The following CHLSN variants were observed in gnomAD, a reference collection of about 807,000 sequenced individuals.
CHLSN encodes cholesin, also known as protein cholesin.
At chr7:1,016,256 C>G in the CHLSN span, among the ~76,000 whole-genome samples, 4 of 52,898 alleles carry the variant, frequency 7.6e-5, no homozygotes, top group Admixed American at 2.1e-4. Flanking sequence ...GCAGCGCACG[C>G]CAGCACACAG....
the CHLSN span, among the ~76,000 whole-genome samples, chr7:993,211 G>C: frequency 6.6e-6 from 1 of 152,218 alleles, no homozygotes; most frequent in Admixed American, 6.5e-5. Flanking sequence ...ACAGGGCAGG[G>C]GGACGGCAGC....
the CHLSN span, among the ~76,000 whole-genome samples, chr7:981,662 C>G: frequency 6.6e-6 from 1 of 151,986 alleles, no homozygotes; most frequent in East Asian, 1.9e-4. Context: ...TGCAGTGAGC[C>G]GAGATCACGC....
the CHLSN span, chr7:1,127,519 T>C: frequency 1.2e-4 from 110 of 920,198 alleles, no homozygotes; most frequent in Non-Finnish European, 1.6e-4. Flanking sequence ...CATATAAAAG[T>C]TAAAATAAAC....
the CHLSN span, among the ~76,000 whole-genome samples, chr7:1,071,500 TAAAAACCAC>T: frequency 6.6e-6 from 1 of 151,552 alleles, no homozygotes; most frequent in East Asian, 1.9e-4. Flanking sequence ...CACAATACAT[TAAAAACCAC>T]AAAAACTGAT....
At chr7:997,350 C>T in the CHLSN span, 10 of 390,052 alleles carry the variant, frequency 2.6e-5, no homozygotes, top group South Asian at 6.6e-4. Context: ...GCCAGGGGTC[C>T]GGGTGATTCC....
the CHLSN span, among the ~76,000 whole-genome samples, chr7:1,136,443 AATAT>A: frequency 1.6e-5 from 2 of 121,930 alleles, no homozygotes; most frequent in African/African-American, 7.2e-5. Context: ...CATATATATA[AATAT>A]ATATAAACAT....
the CHLSN span, among the ~76,000 whole-genome samples, chr7:1,016,477 A>G: frequency 4.3e-5 from 6 of 139,506 alleles, no homozygotes; most frequent in South Asian, 1.2e-3. Context: ...ACATAGCAGC[A>G]CAGCAGCACA....
the CHLSN span, among the ~76,000 whole-genome samples, chr7:985,580 C>T: frequency 6.6e-6 from 1 of 152,194 alleles, no homozygotes; most frequent in African/African-American, 2.4e-5. Flanking sequence ...GATGCATCTG[C>T]TCAAGAGTGG....
chr7:1,121,892 C>A, the CHLSN span, among the ~76,000 whole-genome samples: 19 of 151,046 alleles, frequency 1.3e-4, no homozygotes, highest in African/African-American at 2.4e-4. Context: ...CGTGCTGCAC[C>A]CACCCACTGC....
the CHLSN span, among the ~76,000 whole-genome samples, chr7:1,037,490 G>A: frequency 5.8e-5 from 8 of 137,638 alleles, 1 homozygote; most frequent in Non-Finnish European, 1.1e-4. Context: ...GAGTGATCCC[G>A]CCAACCTCAG....
At chr7:1,022,324 A>G in the CHLSN span, among the ~76,000 whole-genome samples, 3 of 152,224 alleles carry the variant, frequency 2.0e-5, no homozygotes, top group Non-Finnish European at 2.9e-5. Flanking sequence ...TTCCAAGGTC[A>G]GGAGCCTGGT....
chr7:1,092,871 A>G, the CHLSN span: 11 of 1,606,702 alleles, frequency 6.8e-6, no homozygotes, highest in African/African-American at 6.7e-5. Flanking sequence ...CCTTGGCCGC[A>G]TAGGCCCAGC....
At chr7:1,116,408 T>C in the CHLSN span, among the ~76,000 whole-genome samples, 3 of 133,890 alleles carry the variant, frequency 2.2e-5, no homozygotes, top group African/African-American at 6.1e-5. Flanking sequence ...GATGATGACA[T>C]GACTGCAGCT....
At chr7:1,067,512 A>C in the CHLSN span, among the ~76,000 whole-genome samples, 337 of 65,532 alleles carry the variant, frequency 5.1e-3, 1 homozygote, top group African/African-American at 0.024. Context: ...GCTGGAATAC[A>C]CCCAGAGGTG....
chr7:1,015,822 G>A, the CHLSN span, among the ~76,000 whole-genome samples: 1 of 152,184 alleles, frequency 6.6e-6, no homozygotes, highest in South Asian at 2.1e-4. Flanking sequence ...CTCACCCACG[G>A]TGAAGCGAGG....
the CHLSN span, chr7:1,057,357 T>C: frequency 1.4e-4 from 83 of 593,348 alleles, no homozygotes; most frequent in East Asian, 3.1e-4. Context: ...TTCACAGAAA[T>C]GCACCAAAGG....
chr7:1,127,430 G>A, the CHLSN span: 1 of 1,553,250 alleles, frequency 6.4e-7, no homozygotes, highest in Non-Finnish European at 8.7e-7. Flanking sequence ...GAAATGAAAG[G>A]CTTAACTCAT....
the CHLSN span, among the ~76,000 whole-genome samples, chr7:1,027,967 C>G: frequency 6.6e-6 from 1 of 152,174 alleles, no homozygotes; most frequent in Non-Finnish European, 1.5e-5. Context: ...CCTGCAGGGC[C>G]TGGACCCCCA....
chr7:1,110,457 G>A, the CHLSN span, among the ~76,000 whole-genome samples: 3 of 152,222 alleles, frequency 2.0e-5, no homozygotes, highest in Non-Finnish European at 4.4e-5. Flanking sequence ...AGGCTGGGAA[G>A]GGCCCCTCAG....
Sources: gnomAD v4.1 joint callset for allele counts (sites outside exome capture counted in the v4.1 genomes callset) on GRCh38, gnomAD v4.1.1 for gene constraint, MANE v1.5 for transcripts, NCBI Gene and HGNC (gene_info 2026-07-23, HGNC 2026-07-21) for gene names.